The following SORCS1 variants were observed in gnomAD, a reference collection of about 807,000 sequenced individuals.
SORCS1 encodes the protein VPS10 domain-containing receptor SorCS1.
In SORCS1, 60 loss-of-function variants were observed where a neutral mutation model predicts 146.1. The observed-to-expected ratio is 0.41, with a 90% CI of 0.33 to 0.51. SORCS1 has a LOEUF of 0.51. Ranked by LOEUF, SORCS1 falls within the 20% of genes least tolerant of loss-of-function variation. The pLI is 0.21. For synonymous variants in SORCS1, 637 were observed against 584.0 expected (o/e 1.09, Z -1.31); for missense variants, 1,352 against 1,487.6 (o/e 0.91, Z 1.50).
intron 3 of SORCS1, among the ~76,000 whole-genome samples, chr10:106,819,956 C>T (rs560573237): frequency 3.6e-4 from 55 of 152,280 alleles, no homozygotes; most frequent in Non-Finnish European, 6.8e-4. Flanking sequence ...TTAGCATTCT[C>T]CCATTACTCT....
intron 1 of SORCS1, among the ~76,000 whole-genome samples, chr10:107,161,015 C>G (rs1028641103): frequency 6.6e-6 from 1 of 152,150 alleles, no homozygotes; most frequent in African/African-American, 2.4e-5. Flanking sequence ...AAGATCCCCC[C>G]AGGTGTTCCA....
chr10:107,066,950 C>T, intron 1 of SORCS1, among the ~76,000 whole-genome samples: 1 of 152,144 alleles, frequency 6.6e-6, no homozygotes, highest in East Asian at 1.9e-4. Context: ...GAAGTTCTAG[C>T]CCTATTGTGT....
chr10:107,133,667 T>C (rs966876211), intron 1 of SORCS1, among the ~76,000 whole-genome samples: 10 of 152,130 alleles, frequency 6.6e-5, no homozygotes, highest in Non-Finnish European at 1.5e-5. Flanking sequence ...CCTCATTGCA[T>C]TTCTTACTTT....
intron 2 of SORCS1, among the ~76,000 whole-genome samples, chr10:106,929,798 C>CACAT (rs1491375792): frequency 6.7e-6 from 1 of 150,182 alleles, no homozygotes; most frequent in East Asian, 2.0e-4. Flanking sequence ...CACACACACA[C>CACAT]GTATTAATCA....
At chr10:106,594,452 G>C (rs1377282501) in intron 24 of SORCS1, among the ~76,000 whole-genome samples, 1 of 152,062 alleles carries the variant, frequency 6.6e-6, no homozygotes, top group Non-Finnish European at 1.5e-5. Context: ...TTTGTGGTGG[G>C]AACATTCATT....
At chr10:106,897,694 CCTCT>C (rs761649311) in intron 2 of SORCS1, among the ~76,000 whole-genome samples, 6 of 151,982 alleles carry the variant, frequency 3.9e-5, no homozygotes, top group East Asian at 1.9e-4. Flanking sequence ...AGGAAATTAA[CCTCT>C]CTATCACTAA....
intron 1 of SORCS1, among the ~76,000 whole-genome samples, chr10:107,072,243 GC>G (rs1368797245): frequency 6.6e-6 from 1 of 152,150 alleles, no homozygotes; most frequent in African/African-American, 2.4e-5. Flanking sequence ...GAGCCTGCAG[GC>G]AAAGCAGGAA....
intron 21 of SORCS1, among the ~76,000 whole-genome samples, chr10:106,614,580 C>A (rs1847227284): frequency 6.6e-6 from 1 of 150,892 alleles, no homozygotes; most frequent in Non-Finnish European, 1.5e-5. Flanking sequence ...CCCATTAAGT[C>A]CTCACTTCTT....
chr10:106,637,193 C>A (rs1337045824), intron 18 of SORCS1, among the ~76,000 whole-genome samples: 1 of 152,150 alleles, frequency 6.6e-6, no homozygotes, highest in Non-Finnish European at 1.5e-5. Context: ...CAGTTAAAAA[C>A]CAGTCTAGGA....
intron 6 of SORCS1, among the ~76,000 whole-genome samples, chr10:106,721,284 A>G (rs1226172600): frequency 6.6e-6 from 1 of 152,132 alleles, no homozygotes; most frequent in Admixed American, 6.6e-5. Flanking sequence ...GACTAAAAAA[A>G]AGATAAAGGA....
intron 1 of SORCS1, among the ~76,000 whole-genome samples, chr10:107,030,382 A>G (rs76284106): frequency 0.032 from 4,811 of 152,262 alleles, 215 homozygotes; most frequent in African/African-American, 0.1. Flanking sequence ...GCAGTTAAAT[A>G]TCTTGTCTGA....
chr10:106,810,208 G>A (rs571829410), intron 3 of SORCS1, among the ~76,000 whole-genome samples: 4 of 152,096 alleles, frequency 2.6e-5, no homozygotes, highest in South Asian at 2.1e-4. Flanking sequence ...GTGACACAGT[G>A]AGACTCCGTC....
intron 18 of SORCS1, among the ~76,000 whole-genome samples, chr10:106,642,625 A>C (rs1306829043): frequency 1.3e-5 from 2 of 152,198 alleles, no homozygotes; most frequent in Admixed American, 6.5e-5. Context: ...TTAATTAAAA[A>C]ATATTATGGC....
intron 1 of SORCS1, among the ~76,000 whole-genome samples, chr10:107,063,278 T>G (rs1961410285): frequency 6.6e-6 from 1 of 152,214 alleles, no homozygotes; most frequent in South Asian, 2.1e-4. Context: ...TCCATTTTCA[T>G]GTTTTCTAAA....
intron 17 of SORCS1, among the ~76,000 whole-genome samples, chr10:106,660,662 A>G (rs1850654402): frequency 6.6e-6 from 1 of 152,024 alleles, no homozygotes; most frequent in Non-Finnish European, 1.5e-5. Context: ...CCCCATTGGA[A>G]TCTCTTGAAT....
At chr10:106,839,779 T>A (rs1415241759) in intron 2 of SORCS1, among the ~76,000 whole-genome samples, 1 of 152,220 alleles carries the variant, frequency 6.6e-6, no homozygotes, top group African/African-American at 2.4e-5. Context: ...TCAGTTGAAG[T>A]CAATGCTCTT....
At chr10:106,799,637 T>C (rs1211924452) in intron 3 of SORCS1, among the ~76,000 whole-genome samples, 4 of 152,096 alleles carry the variant, frequency 2.6e-5, no homozygotes, top group Admixed American at 6.5e-5. Flanking sequence ...AAAATGCTCA[T>C]CATCACTGGC....
At chr10:106,715,282 C>A (rs770380889) in intron 6 of SORCS1, among the ~76,000 whole-genome samples, 2 of 152,192 alleles carry the variant, frequency 1.3e-5, no homozygotes, top group Non-Finnish European at 2.9e-5. Context: ...GAATTAATTT[C>A]ATTACTTTTC....
Position 106,829,629 on chromosome 10 carries a change from A to C in SORCS1, c.671T>G (p.Val224Gly). 1 of 1,608,406 alleles carries C rather than the reference A, an allele frequency of 6.2e-7. No homozygotes were observed. Reference sequence around the variant, plus strand: ...ATAGCTCAAAATGGTTTTCAAACCAACTTTATCATTCAGCTTCTCATAGGT... The same window carrying C: ...ATAGCTCAAAATGGTTTTCAAACCACCTTTATCATTCAGCTTCTCATAGGT... ...GTTYEKLNDK[V>G]GLKTILSYLY... The change falls in exon 3 of 26, where the codon GTT becomes GGT. Residue 224 changes from valine to glycine, a missense_variant. By Grantham distance (109) the Val-to-Gly change is moderately radical. This residue lies in a region of SORCS1 where 490 missense variants were observed against 489.1 expected (regional missense o/e 1.00). Transcript: ENST00000263054.
Sources: allele counts gnomAD v4.1 joint callset (sites outside exome capture counted in the v4.1 genomes callset), GRCh38; gene constraint gnomAD v4.1.1; regional missense constraint gnomAD v4.1.1; transcripts MANE v1.5; gene names NCBI Gene and HGNC (gene_info 2026-07-23, HGNC 2026-07-21).